Variants in RGS6 observed in about 807,000 individuals in gnomAD.
RGS6 encodes regulator of G protein signaling 6.
Under a neutral mutation model 78.5 loss-of-function variants are expected in RGS6, and 30 were observed. The observed-to-expected ratio is 0.38, with a 90% CI of 0.29 to 0.52. RGS6 has a LOEUF of 0.52. Ranked by LOEUF, RGS6 falls within the 20% of genes least tolerant of loss-of-function variation. RGS6 has a pLI of 0.85. For synonymous variants in RGS6, 206 were observed against 206.0 expected (o/e 1.00, Z 0.00); for missense variants, 495 against 609.7 (o/e 0.81, Z 1.98).
chr14:71,886,418 A>C, the RGS6 span, among the ~76,000 whole-genome samples: 1 of 151,004 alleles, frequency 6.6e-6, no homozygotes, highest in South Asian at 2.1e-4. Context: ...GACTGACTGA[A>C]TGAATGAATA....
the RGS6 span, among the ~76,000 whole-genome samples, chr14:71,895,265 C>A: frequency 6.6e-6 from 1 of 152,098 alleles, no homozygotes; most frequent in East Asian, 1.9e-4. Context: ...TTCACTACAA[C>A]CTCTGATCCC....
intron 2 of RGS6, among the ~76,000 whole-genome samples, chr14:72,276,203 A>G (rs7156275): frequency 0.61 from 92,700 of 151,926 alleles, 28,393 homozygotes; most frequent in Non-Finnish European, 0.64. Flanking sequence ...TAAAAAAAAA[A>G]TTATACCTTA....
At chr14:72,356,693 C>G (rs1470794014) in intron 3 of RGS6, among the ~76,000 whole-genome samples, 1 of 152,144 alleles carries the variant, frequency 6.6e-6, no homozygotes, top group Non-Finnish European at 1.5e-5. Flanking sequence ...CTATGCTGTT[C>G]TCATGATGGT....
chr14:72,118,851 G>A (rs1020745942), intron 2 of RGS6, among the ~76,000 whole-genome samples: 1 of 152,308 alleles, frequency 6.6e-6, no homozygotes, highest in Non-Finnish European at 1.5e-5. Context: ...AGTGGTTTTG[G>A]TGTTGAAAGA....
At chr14:72,093,028 C>T (rs533336203) in intron 2 of RGS6, among the ~76,000 whole-genome samples, 55 of 104,332 alleles carry the variant, frequency 5.3e-4, no homozygotes, top group African/African-American at 1.8e-3. Flanking sequence ...TTCAGACATA[C>T]CAAAAGTGTG....
intron 2 of RGS6, among the ~76,000 whole-genome samples, chr14:72,314,783 T>C (rs772903022): frequency 3.9e-5 from 6 of 152,252 alleles, no homozygotes; most frequent in Non-Finnish European, 7.3e-5. Context: ...ACAGGAAATA[T>C]GTTTATACTA....
chr14:72,355,907 G>C (rs1184226616), intron 3 of RGS6, among the ~76,000 whole-genome samples: 1 of 152,168 alleles, frequency 6.6e-6, no homozygotes, highest in Admixed American at 6.5e-5. Flanking sequence ...GGAGGAGCCA[G>C]GGCAGCTATA....
chr14:72,307,832 A>T (rs992698297), intron 2 of RGS6, among the ~76,000 whole-genome samples: 3 of 152,192 alleles, frequency 2.0e-5, no homozygotes, highest in African/African-American at 7.2e-5. Flanking sequence ...TAAAATGACA[A>T]ATTTTCCAAT....
intron 2 of RGS6, among the ~76,000 whole-genome samples, chr14:72,224,069 G>A (rs751560245): frequency 9.2e-5 from 14 of 152,272 alleles, no homozygotes; most frequent in East Asian, 1.9e-4. Flanking sequence ...GATTTTTGCC[G>A]TCAACAGCTG....
intron 2 of RGS6, among the ~76,000 whole-genome samples, chr14:72,049,908 A>G (rs1167412912): frequency 1.3e-5 from 2 of 152,002 alleles, no homozygotes; most frequent in Non-Finnish European, 2.9e-5. Flanking sequence ...AAATATAACA[A>G]CCAAAACCAA....
At chr14:71,984,948 T>C (rs2094629426) in intron 2 of RGS6, among the ~76,000 whole-genome samples, 1 of 152,176 alleles carries the variant, frequency 6.6e-6, no homozygotes, top group African/African-American at 2.4e-5. Context: ...CATGCAAATA[T>C]GACTAAAGTT....
chr14:72,382,296 A>G (rs1596494175), intron 3 of RGS6, among the ~76,000 whole-genome samples: 1 of 152,292 alleles, frequency 6.6e-6, no homozygotes, highest in East Asian at 1.9e-4. Context: ...ATGAACAAAC[A>G]TTTCATAGAA....
chr14:72,199,674 A>G (rs954451004), intron 2 of RGS6, among the ~76,000 whole-genome samples: 1 of 152,176 alleles, frequency 6.6e-6, no homozygotes. Flanking sequence ...TCCCACAGGC[A>G]ATTCTAGATT....
chr14:72,397,091 T>C (rs2091482235), intron 3 of RGS6, among the ~76,000 whole-genome samples: 4 of 152,208 alleles, frequency 2.6e-5, no homozygotes, highest in Admixed American at 2.6e-4. Context: ...AGAAAGTCAT[T>C]GGTAGCTTGA....
chr14:72,289,171 T>C lies in RGS6; in HGVS notation c.85-62924T>C, dbSNP rs114549426. ...AGCTCAGGAAATAGTCCACGGTAGA[T>C]CCTCATCTTTGTATTTCCTTTACTG... On this transcript the variant is annotated intron_variant, in intron 2 of 17. Transcript: ENST00000553525. 9.1e-3 allele frequency among the ~76,000 whole-genome samples: 1,391 copies of C among 152,312 alleles called. 25 individuals are homozygous for C. The highest frequency in any genetic ancestry group is 0.032 in the African/African-American group (1,337 of 41,560).
chr14:72,264,216 A>G (rs1305496243), intron 2 of RGS6, among the ~76,000 whole-genome samples: 3 of 152,228 alleles, frequency 2.0e-5, no homozygotes, highest in Non-Finnish European at 4.4e-5. Context: ...ATTTTCTTGT[A>G]TGCATTAAGT....
At chr14:72,334,774 T>G (rs1432469465) in intron 2 of RGS6, among the ~76,000 whole-genome samples, 2 of 151,990 alleles carry the variant, frequency 1.3e-5, no homozygotes, top group Non-Finnish European at 2.9e-5. Flanking sequence ...CCACTAATAT[T>G]AGAGGGACTC....
intron 2 of RGS6, among the ~76,000 whole-genome samples, chr14:72,098,495 A>G (rs1193955712): frequency 1.3e-5 from 2 of 152,146 alleles, no homozygotes; most frequent in Admixed American, 6.5e-5. Context: ...GTTTAGTGGC[A>G]TTGTTCTTTT....
intron 3 of RGS6, 97 bp downstream of exon 3, chr14:72,352,291 A>C (rs957239915): frequency 1.3e-6 from 1 of 775,168 alleles, no homozygotes; most frequent in East Asian, 2.8e-5. Context: ...ATCTGTGAAT[A>C]GTAAAAATGA....
Sources: allele counts gnomAD v4.1 joint callset (sites outside exome capture counted in the v4.1 genomes callset), GRCh38; gene constraint gnomAD v4.1.1; transcripts MANE v1.5; gene names NCBI Gene and HGNC (gene_info 2026-07-23, HGNC 2026-07-21).